PCDH9: variants seen among roughly 807,000 people sequenced by gnomAD.
PCDH9 encodes protocadherin 9.
In PCDH9, 24 loss-of-function variants were observed where a neutral mutation model predicts 70.6. The observed-to-expected ratio is 0.34, with a 90% CI of 0.25 to 0.48. PCDH9 has a LOEUF of 0.48. Ranked by LOEUF, PCDH9 falls within the 20% of genes least tolerant of loss-of-function variation. The probability of loss-of-function intolerance (pLI) is 0.99; values close to 1 mark genes in which losing one functional copy is unlikely to be tolerated. For missense variants in PCDH9, 1,281 were observed against 1,503.6 expected (o/e 0.85, Z 2.45); for synonymous variants, 562 against 558.5 (o/e 1.01, Z -0.09).
chr13:66,938,142 A>T (rs2082947707), intron 2 of PCDH9, among the ~76,000 whole-genome samples: 1 of 152,170 alleles, frequency 6.6e-6, no homozygotes, highest in Non-Finnish European at 1.5e-5. Context: ...AAACTAAGAA[A>T]CCCTGGCCTT....
At chr13:66,630,542 G>A (rs2077556451) in intron 4 of PCDH9, among the ~76,000 whole-genome samples, 1 of 152,140 alleles carries the variant, frequency 6.6e-6, no homozygotes, top group African/African-American at 2.4e-5. Context: ...GATTTCTGGA[G>A]TGGGGTATGG....
chr13:66,923,912 A>T (rs2139648251), intron 2 of PCDH9, among the ~76,000 whole-genome samples: 1 of 151,936 alleles, frequency 6.6e-6, no homozygotes, highest in East Asian at 1.9e-4. Context: ...TACAGTACTT[A>T]TCATACTAAT....
intron 2 of PCDH9, among the ~76,000 whole-genome samples, chr13:67,106,145 AG>A (rs1175007248): frequency 1.3e-5 from 2 of 152,180 alleles, no homozygotes; most frequent in Non-Finnish European, 2.9e-5. Flanking sequence ...CCCATGTAAA[AG>A]GGAGTCAAAA....
intron 4 of PCDH9, among the ~76,000 whole-genome samples, chr13:66,525,887 G>A (rs1960198208): frequency 6.6e-6 from 1 of 152,014 alleles, no homozygotes; most frequent in Admixed American, 6.6e-5. Flanking sequence ...CTCTTCCTTA[G>A]CTCACACAAT....
intron 4 of PCDH9, among the ~76,000 whole-genome samples, chr13:66,481,918 T>G (rs543498448): frequency 6.7e-6 from 1 of 150,226 alleles, no homozygotes; most frequent in African/African-American, 2.5e-5. Context: ...TGAATAAAAA[T>G]CATAAGTCCA....
chr13:66,582,034 A>G (rs1372190855), intron 4 of PCDH9, among the ~76,000 whole-genome samples: 1 of 152,160 alleles, frequency 6.6e-6, no homozygotes, highest in Non-Finnish European at 1.5e-5. Flanking sequence ...ATACTTCATG[A>G]TATCATTCTG....
intron 2 of PCDH9, among the ~76,000 whole-genome samples, chr13:67,197,334 G>A (rs1031194219): frequency 6.6e-6 from 1 of 151,844 alleles, no homozygotes; most frequent in African/African-American, 2.4e-5. Flanking sequence ...ACTGTTTCAA[G>A]GTTTTAGCCA....
chr13:66,512,282 TTATATA>T (rs35496834), intron 4 of PCDH9, among the ~76,000 whole-genome samples: 20 of 144,432 alleles, frequency 1.4e-4, no homozygotes, highest in African/African-American at 4.6e-4. Context: ...ACCTTAGGAA[TTATATA>T]TATATATATA....
At chr13:66,736,044 C>G (rs1389223303) in intron 3 of PCDH9, among the ~76,000 whole-genome samples, 2 of 151,884 alleles carry the variant, frequency 1.3e-5, no homozygotes, top group African/African-American at 4.8e-5. Flanking sequence ...TGTACTTATT[C>G]AATAAAAGTT....
chr13:66,555,620 G>A lies in PCDH9; in HGVS notation c.3340+75590C>T, dbSNP rs187594317. Among the ~76,000 whole-genome samples the A allele has an allele frequency of 2.5e-3, 369 of 150,432 alleles. 3 individuals are homozygous for A. The highest frequency in any genetic ancestry group is 6.0e-3 in the South Asian group (28 of 4,690). ...CACATCAACGGTCTCCATTAAAACT[G>A]GTAGATCACTGAGGGTAGGGCTTTT... On this transcript the variant is annotated intron_variant, in intron 4 of 4. Transcript: ENST00000377865.
chr13:67,167,780 A>G (rs1286881354), intron 2 of PCDH9, among the ~76,000 whole-genome samples: 2 of 152,172 alleles, frequency 1.3e-5, no homozygotes, highest in Non-Finnish European at 2.9e-5. Flanking sequence ...CGTGGAACTA[A>G]TTATTGTCCT....
At chr13:66,378,263 A>G (rs1007785236) in intron 4 of PCDH9, among the ~76,000 whole-genome samples, 5 of 152,230 alleles carry the variant, frequency 3.3e-5, no homozygotes, top group Admixed American at 2.0e-4. Context: ...ATAATATTTT[A>G]TACCAGCTTG....
intron 2 of PCDH9, among the ~76,000 whole-genome samples, chr13:67,087,072 A>C (rs914873777): frequency 2.1e-5 from 3 of 139,932 alleles, no homozygotes; most frequent in African/African-American, 7.9e-5. Flanking sequence ...TCAAGAAGAG[A>C]GTTTTGATGT....
intron 4 of PCDH9, among the ~76,000 whole-genome samples, chr13:66,477,143 G>C (rs140564452): frequency 6.6e-6 from 1 of 152,050 alleles, no homozygotes; most frequent in Non-Finnish European, 1.5e-5. Context: ...TCTGTCTAAC[G>C]AGACAATATG....
intron 3 of PCDH9, among the ~76,000 whole-genome samples, chr13:66,864,473 TTTAAG>T (rs1342067067): frequency 6.6e-6 from 1 of 152,194 alleles, no homozygotes; most frequent in African/African-American, 2.4e-5. Flanking sequence ...TGTGTTATCC[TTTAAG>T]TTATTTAATA....
chr13:67,011,909 T>C (rs2084458891), intron 2 of PCDH9, among the ~76,000 whole-genome samples: 1 of 151,956 alleles, frequency 6.6e-6, no homozygotes, highest in African/African-American at 2.4e-5. Context: ...AAATTCATCT[T>C]TCTTTTACTC....
intron 3 of PCDH9, among the ~76,000 whole-genome samples, chr13:66,775,562 A>G (rs1055313145): frequency 6.6e-6 from 1 of 152,106 alleles, no homozygotes; most frequent in African/African-American, 2.4e-5. Flanking sequence ...AGCCTACTCA[A>G]TGTGAAGATG....
chr13:66,516,677 T>C (rs1216913770), intron 4 of PCDH9, among the ~76,000 whole-genome samples: 6 of 151,982 alleles, frequency 3.9e-5, no homozygotes, highest in South Asian at 4.1e-4. Context: ...ATGCCTAAAA[T>C]TGACAATCTG....
At chr13:66,313,029 T>C (rs1955590909) in intron 4 of PCDH9, among the ~76,000 whole-genome samples, 1 of 152,228 alleles carries the variant, frequency 6.6e-6, no homozygotes, top group African/African-American at 2.4e-5. Context: ...TCCTTGTACA[T>C]CTTCAGCCTT....
Sources: gnomAD v4.1 joint callset for allele counts (sites outside exome capture counted in the v4.1 genomes callset) on GRCh38, gnomAD v4.1.1 for gene constraint, MANE v1.5 for transcripts, NCBI Gene and HGNC (gene_info 2026-07-23, HGNC 2026-07-21) for gene names.